The following ERLEC1 variants were observed in gnomAD, a reference collection of about 807,000 sequenced individuals.
ERLEC1 encodes ER lectin.
ERLEC1 carries 47 observed loss-of-function variants against 68.0 expected under a neutral mutation model. The observed-to-expected ratio is 0.69, with a 90% CI of 0.55 to 0.88. The LOEUF is 0.88. Among genes scored for constraint, ERLEC1 ranks in the 40% least tolerant of loss-of-function variants. ERLEC1 has a pLI of 0.00. For missense variants in ERLEC1, 567 were observed against 583.8 expected (o/e 0.97, Z 0.30); for synonymous variants, 225 against 203.2 (o/e 1.11, Z -0.91).
intron 6 of ERLEC1, among the ~76,000 whole-genome samples, chr2:53,799,831 G>C (rs1392463406): frequency 6.6e-6 from 1 of 152,004 alleles, no homozygotes; most frequent in Non-Finnish European, 1.5e-5. Context: ...GCTAAGCAGA[G>C]ACACACATAG....
chr2:53,795,445 GAC>G (rs148957941), intron 2 of ERLEC1, among the ~76,000 whole-genome samples: 4 of 151,696 alleles, frequency 2.6e-5, no homozygotes, highest in South Asian at 2.1e-4. Context: ...GTCTCCTTGA[GAC>G]ACACACACAC....
intron 13 of ERLEC1, 60 bp downstream of exon 13, chr2:53,814,995 C>CTTTTTT (rs777632156): frequency 4.1e-4 from 195 of 470,026 alleles, no homozygotes; most frequent in Admixed American, 9.3e-4. Flanking sequence ...ATTTTTTTTT[C>CTTTTTT]TTTTTTTTTT....
rs1156715228 is a variant in ERLEC1, at chr2:53,818,425, CT to C, written c.*457del. 2 of 152,656 alleles carry C rather than the reference CT, an allele frequency of 1.3e-5. No homozygotes were observed. Among genetic ancestry groups the C allele is most frequent in the African/African-American group, 4.8e-5 (2 of 41,406 alleles). The allele number at this position is 152,656 out of a possible 1,614,324, so 9.5% of individuals were successfully genotyped here. Reference sequence around the variant, plus strand: ...ATGTAAAATATGTAAATTCTAGTACCTGAAATCCTTTCAACAGATTTTTATA... The same window carrying C: ...ATGTAAAATATGTAAATTCTAGTACCGAAATCCTTTCAACAGATTTTTATA... On this transcript the variant is annotated 3_prime_UTR_variant, in exon 14 of 14. Transcript: ENST00000185150.
In ERLEC1 at chr2:53,797,560, C is replaced by T. The variant is rs373922461; in HGVS notation, c.394C>T (p.Arg132Trp). 5.6e-6 allele frequency: 9 copies of T among 1,612,558 alleles called. No individual in the cohort carries two copies. The African/African-American group carries it at 9.4e-5, about 17-fold the overall frequency. ...CGAAGTATGTCATGGAAAACACATT[C>T]GGCAGTACCATGAAGAGAAAGAAAC... ...TYEVCHGKHI[R>W]QYHEEKETGQ... The change falls in exon 4 of 14, where the codon CGG (arginine) becomes TGG (tryptophan). Residue 132 changes from arginine to tryptophan, a missense_variant. By Grantham distance (101) the Arg-to-Trp change is moderately radical (BLOSUM62 -3). Coordinates refer to ENST00000185150, the MANE Select transcript of ERLEC1 (RefSeq NM_015701.5).
At chr2:53,817,266 TG>T (rs1484313201) in intron 13 of ERLEC1, among the ~76,000 whole-genome samples, 1 of 152,098 alleles carries the variant, frequency 6.6e-6, no homozygotes, top group Non-Finnish European at 1.5e-5. Flanking sequence ...CCCCAGTAGC[TG>T]GGACTACAGG....
chr2:53,792,046 G>A (rs1009974669), intron 1 of ERLEC1, among the ~76,000 whole-genome samples: 1 of 151,718 alleles, frequency 6.6e-6, no homozygotes, highest in East Asian at 1.9e-4. Context: ...CGAGTAGCTG[G>A]GAGTACAGGC....
intron 6 of ERLEC1, among the ~76,000 whole-genome samples, chr2:53,799,903 C>T (rs1014845876): frequency 1.3e-5 from 2 of 151,934 alleles, no homozygotes; most frequent in South Asian, 2.1e-4. Context: ...TAGTTATTTA[C>T]TGTGACTCTG....
rs767304609 is a variant in ERLEC1 at position 53,801,384 on chromosome 2, CTT to C, written c.526-5_526-4del. On this transcript the variant is annotated splice_polypyrimidine_tract_variant and intron_variant, in intron 6 of 13. Coordinates refer to ENST00000185150, the MANE Select transcript of ERLEC1 (RefSeq NM_015701.5). The stretch of plus-strand genomic sequence containing the variant: ...TCTAATGAAAAGTCTGTCTTATACT[CTT>C]TTTTTTTAAGATTCCCACTAAAAAT... 1 of 1,580,776 alleles carries C rather than the reference CTT, an allele frequency of 6.3e-7. No homozygotes were observed. Among genetic ancestry groups the C allele is most frequent in the Admixed American group, 1.7e-5 (1 of 59,292 alleles).
intron 8 of ERLEC1, among the ~76,000 whole-genome samples, chr2:53,803,355 G>C (rs1009635939): frequency 6.6e-6 from 1 of 152,140 alleles, no homozygotes; most frequent in African/African-American, 2.4e-5. Context: ...TCTGGTCTTC[G>C]TTTTGATAGT....
chr2:53,814,712 A>C, intron 12 of ERLEC1, 92 bp downstream of exon 12: 1 of 1,043,338 alleles, frequency 9.6e-7, no homozygotes. Flanking sequence ...AATTATGAAT[A>C]ATTATGAAAG....
intron 6 of ERLEC1, 115 bp downstream of exon 6, chr2:53,799,196 T>TA (rs1675877260): frequency 1.2e-6 from 1 of 852,206 alleles, no homozygotes; most frequent in Non-Finnish European, 1.8e-6. Flanking sequence ...ATCTATCAAA[T>TA]ACCTTGAAGG....
At chr2:53,793,568 G>C (rs1187961363) in intron 1 of ERLEC1, among the ~76,000 whole-genome samples, 2 of 151,954 alleles carry the variant, frequency 1.3e-5, no homozygotes, top group Non-Finnish European at 2.9e-5. Flanking sequence ...CTCAGTGATG[G>C]TGTATCTATG....
At chr2:53,787,737 C>G (rs1011588920) in intron 1 of ERLEC1, 1 of 195,220 alleles carries the variant, frequency 5.1e-6, no homozygotes, top group Non-Finnish European at 1.0e-5. Context: ...CACCAGCAGA[C>G]TTCTTTCCTT....
In ERLEC1 at chr2:53,809,219, C is replaced by A; in HGVS notation, c.1047C>A (p.Val349=). ...LSGSYCFRGG[V]GWWKYEFCYG... is the part of the protein sequence containing the mutation. ...TATGTTTTCTTTTTTTTTAGGGTGTCGGTTGGTGGAAATATGAATTCTGCT... is the reference window on the plus strand; with the variant it reads ...TATGTTTTCTTTTTTTTTAGGGTGTAGGTTGGTGGAAATATGAATTCTGCT... Residue 349 remains valine (V), a synonymous_variant, in exon 10 of 14, where the codon GTC becomes GTA. Transcript: ENST00000185150. 6.3e-7 allele frequency: 1 copy of A among 1,578,764 alleles called. No homozygotes were observed. Among genetic ancestry groups the A allele is most frequent in the South Asian group, 1.2e-5 (1 of 82,948 alleles).
At chr2:53,814,991 TTTTC>T (rs1209479153) in intron 13 of ERLEC1, 56 bp downstream of exon 13, 98 of 1,079,398 alleles carry the variant, frequency 9.1e-5, no homozygotes, top group Admixed American at 5.3e-4. Context: ...TTTAATTTTT[TTTTC>T]TTTTTTTTTT....
At chr2:53,798,891 T>G (rs190249022) in intron 5 of ERLEC1, among the ~76,000 whole-genome samples, 156 bp from the exon 6 acceptor site, 1 of 152,142 alleles carries the variant, frequency 6.6e-6, no homozygotes, top group Admixed American at 6.5e-5. Context: ...CAAAACCATT[T>G]CAAGGAAACT....
intron 3 of ERLEC1, 107 bp downstream of exon 3, chr2:53,796,120 T>C: frequency 1.4e-6 from 1 of 727,898 alleles, no homozygotes; most frequent in Non-Finnish European, 2.2e-6. Flanking sequence ...GTTTTTTTTT[T>C]TAACTATTAT....
In ERLEC1 at chr2:53,808,421, C is replaced by G; in HGVS notation, c.1002C>G (p.Leu334=). The G allele has an allele frequency of 6.2e-7, 1 of 1,614,090 alleles. No homozygotes were observed. Among genetic ancestry groups the G allele is most frequent in the Non-Finnish European group, 8.5e-7 (1 of 1,180,020 alleles). The change falls in exon 9 of 14, where the codon CTC becomes CTG. Residue 334 remains leucine, a synonymous_variant. Coordinates refer to ENST00000185150, the MANE Select transcript of ERLEC1 (RefSeq NM_015701.5). ...TATCCAAATTGACAGATGACCAACT[C>G]ATAAAAGAGTTTCTTAGTGGTTCTT... The part of the protein sequence containing the change: ...THISKLTDDQ[L]IKEFLSGSYC...
intron 8 of ERLEC1, among the ~76,000 whole-genome samples, chr2:53,806,433 G>GTTA: frequency 6.6e-6 from 1 of 152,170 alleles, no homozygotes; most frequent in South Asian, 2.1e-4. Flanking sequence ...GTATTCCCAG[G>GTTA]TTATTAGTTT....
Sources: allele counts gnomAD v4.1 joint callset (sites outside exome capture counted in the v4.1 genomes callset), GRCh38; gene constraint gnomAD v4.1.1; transcripts MANE v1.5; gene names NCBI Gene and HGNC (gene_info 2026-07-23, HGNC 2026-07-21).